Variants in RASGRP1 observed in about 807,000 individuals in gnomAD.
RASGRP1 encodes RAS guanyl releasing protein 1.
In RASGRP1, 37 loss-of-function variants were observed where a neutral mutation model predicts 95.1. That is an observed-to-expected ratio of 0.39 (90% CI 0.30 to 0.51). The LOEUF (loss-of-function observed/expected upper bound fraction) is 0.51. Ranked by LOEUF, RASGRP1 falls within the 20% of genes least tolerant of loss-of-function variation. The probability of loss-of-function intolerance (pLI) is 0.80; values close to 1 mark genes in which losing one functional copy is unlikely to be tolerated. For synonymous variants in RASGRP1, 325 were observed against 353.4 expected (o/e 0.92, Z 0.90); for missense variants, 711 against 965.4 (o/e 0.74, Z 3.49).
intron 8 of RASGRP1, among the ~76,000 whole-genome samples, chr15:38,509,913 C>T (rs1167665501): frequency 5.3e-5 from 8 of 152,086 alleles, no homozygotes; most frequent in African/African-American, 9.7e-5. Flanking sequence ...TACCATTTCT[C>T]CACAATGAAG....
Position 38,494,691 on chromosome 15 carries a change from G to C in RASGRP1, c.1950C>G (p.Ile650Met). Residue 650 changes from isoleucine (I) to methionine (M), a missense_variant, in exon 16 of 17, where the codon ATC becomes ATG. Ile to Met is a conservative substitution (Grantham distance 10). Around this residue, in one of 3 missense-constraint regions of RASGRP1, gnomAD observed 212 missense variants for 247.8 expected, o/e 0.86. Transcript: ENST00000310803. The stretch of plus-strand genomic sequence containing the variant: ...TCTGTGAGGACACTCCCATCAGCAT[G>C]ATGGTCCGATCCTTACTCTCCTCAC... Reference protein sequence around the residue: ...EHGEESKDRTIMLMGVSSQKI... With the variant: ...EHGEESKDRTMMLMGVSSQKI... The C allele has an allele frequency of 2.6e-6, 4 of 1,530,886 alleles. No individual in the cohort carries two copies. In the South Asian group the frequency reaches 4.0e-5, roughly 15 times the overall value. 94.8% of individuals were successfully genotyped at this position (1,530,886 alleles called of 1,614,324 possible).
intron 2 of RASGRP1, among the ~76,000 whole-genome samples, chr15:38,551,402 A>T (rs1350250077): frequency 6.6e-6 from 1 of 152,224 alleles, no homozygotes; most frequent in Non-Finnish European, 1.5e-5. Flanking sequence ...CAAAGCGACC[A>T]GTCCAAGCGC....
chr15:38,513,991 A>C (rs371321993), intron 6 of RASGRP1, among the ~76,000 whole-genome samples: 4 of 152,198 alleles, frequency 2.6e-5, no homozygotes, highest in African/African-American at 9.7e-5. Flanking sequence ...AATTCCTGGC[A>C]AGATGAAGCC....
Position 38,519,476 on chromosome 15 carries a change from A to G in RASGRP1, c.327-105T>C, listed in dbSNP as rs1002161219. 7.5e-5 allele frequency: 66 copies of G among 875,664 alleles called. No individual in the cohort carries two copies. In the Admixed American group the frequency reaches 1.5e-3, roughly 20 times the overall value. 54.2% of individuals were successfully genotyped at this position (875,664 alleles called of 1,614,324 possible). On this transcript the variant is annotated intron_variant, in intron 3 of 16. Transcript: ENST00000310803. ...ACTACCTCCCAAAATATTTTTTCTAAAAAATGAAAATGTGATGCTTTATCT... is the reference window on the plus strand; with the variant it reads ...ACTACCTCCCAAAATATTTTTTCTAGAAAATGAAAATGTGATGCTTTATCT...
At chr15:38,500,888 T>TA (rs1890989450) in intron 13 of RASGRP1, among the ~76,000 whole-genome samples, 1 of 152,150 alleles carries the variant, frequency 6.6e-6, no homozygotes, top group African/African-American at 2.4e-5. Flanking sequence ...TATTATACTT[T>TA]AAAAGTATAT....
chr15:38,497,839 G>T (rs1402590713), intron 15 of RASGRP1, among the ~76,000 whole-genome samples: 1 of 152,172 alleles, frequency 6.6e-6, no homozygotes, highest in East Asian at 1.9e-4. Context: ...CTTGAATGTT[G>T]AATGTTTTGT....
intron 2 of RASGRP1, among the ~76,000 whole-genome samples, chr15:38,538,537 A>C (rs1406353426): frequency 2.6e-5 from 4 of 152,170 alleles, no homozygotes; most frequent in Non-Finnish European, 4.4e-5. Context: ...TGTACCAGAC[A>C]CTGTTTCAAG....
chr15:38,504,270 TTTC>T (rs1891162775), intron 10 of RASGRP1: 1 of 152,128 alleles, frequency 6.6e-6, no homozygotes, highest in African/African-American at 2.4e-5. Context: ...TCTTAAATTT[TTTC>T]TTCAATGATA....
chr15:38,558,117 A>G (rs1022755510), intron 2 of RASGRP1, among the ~76,000 whole-genome samples: 1 of 152,200 alleles, frequency 6.6e-6, no homozygotes, highest in Non-Finnish European at 1.5e-5. Context: ...ATCCTTATTC[A>G]GGAAATAGTC....
At position 38,564,740 on chromosome 15, in the gene RASGRP1, C is replaced by G; in HGVS notation, c.-112G>C. Reference sequence around the variant, plus strand: ...GCTCTCTCCCCCCCGGGCCTCGTAGCCCCGGCGCCCGCCAGCCCTCGAGCC... The same window carrying G: ...GCTCTCTCCCCCCCGGGCCTCGTAGGCCCGGCGCCCGCCAGCCCTCGAGCC... On this transcript the variant is annotated 5_prime_UTR_variant, in exon 1 of 17. Coordinates refer to ENST00000310803, the MANE Select transcript of RASGRP1 (RefSeq NM_005739.4). 6.4e-6 allele frequency: 6 copies of G among 943,430 alleles called. No individual in the cohort carries two copies. The highest frequency in any genetic ancestry group is 6.6e-6 in the Non-Finnish European group (5 of 754,048). The allele number at this position is 943,430 out of a possible 1,614,324, so 58.4% of individuals were successfully genotyped here.
intron 1 of RASGRP1, among the ~76,000 whole-genome samples, chr15:38,564,045 G>A (rs1893922543): frequency 6.6e-6 from 1 of 152,202 alleles, no homozygotes; most frequent in African/African-American, 2.4e-5. Context: ...AGGGGGAGAG[G>A]AGTGCAGCTT....
At chr15:38,526,814 T>G (rs1019748368) in intron 2 of RASGRP1, among the ~76,000 whole-genome samples, 4 of 152,184 alleles carry the variant, frequency 2.6e-5, no homozygotes, top group African/African-American at 9.6e-5. Context: ...TAAAATATCT[T>G]ACCTTTACAA....
intron 2 of RASGRP1, among the ~76,000 whole-genome samples, chr15:38,536,057 AAGAG>A (rs1892631097): frequency 6.6e-6 from 1 of 152,212 alleles, no homozygotes; most frequent in African/African-American, 2.4e-5. Flanking sequence ...TTCAAACTCT[AAGAG>A]CATTTGTTGA....
chr15:38,501,053 G>A, intron 13 of RASGRP1, 90 bp downstream of exon 13: 2 of 1,410,556 alleles, frequency 1.4e-6, no homozygotes, highest in Non-Finnish European at 1.9e-6. Flanking sequence ...GCTGGGATGG[G>A]TTCATAAGGA....
Position 38,499,042 on chromosome 15 carries a change from C to T in RASGRP1, c.1721-96G>A, listed in dbSNP as rs558337177. ...ATTCATGCAGTGCTTTCTTGTCACA[C>T]ATGTCTGTTCTATCTTCTGGAGCTA... On this transcript the variant is annotated intron_variant, in intron 14 of 16. Coordinates refer to ENST00000310803, the MANE Select transcript of RASGRP1 (RefSeq NM_005739.4). 6.0e-5 allele frequency: 89 copies of T among 1,482,582 alleles called. 2 individuals are homozygous for T. The South Asian group carries it at 9.9e-4, about 16-fold the overall frequency. 91.8% of individuals were successfully genotyped at this position (1,482,582 alleles called of 1,614,324 possible). A position where few individuals can be genotyped will look rare whatever the true frequency, so the allele number is the denominator to read the frequency against.
chr15:38,563,901 G>A (rs1367650935), intron 1 of RASGRP1, among the ~76,000 whole-genome samples: 1 of 152,216 alleles, frequency 6.6e-6, no homozygotes, highest in Non-Finnish European at 1.5e-5. Flanking sequence ...GCCGAGGCCA[G>A]GCCTTTGTTC....
intron 2 of RASGRP1, 55 bp downstream of exon 2, chr15:38,559,766 G>T: frequency 6.5e-7 from 1 of 1,529,668 alleles, no homozygotes; most frequent in East Asian, 2.3e-5. Context: ...CACTTTTAAA[G>T]GACGAACAAA....
intron 16 of RASGRP1, among the ~76,000 whole-genome samples, chr15:38,492,763 G>A (rs1057131017): frequency 2.2e-4 from 33 of 152,070 alleles, no homozygotes; most frequent in African/African-American, 7.5e-4. Flanking sequence ...TGTGAGTTGT[G>A]TACTGTACTC....
At position 38,494,504 on chromosome 15, in the gene RASGRP1, A is replaced by G. The variant is rs765212266; in HGVS notation, c.2137T>C (p.Cys713Arg). The change falls in exon 16 of 17, where the codon TGT becomes CGT. Residue 713 changes from cysteine (C) to arginine (R), a missense_variant. Physicochemically the swap from Cys to Arg is radical, Grantham distance 180. Transcript: ENST00000310803. ...TTTCTGACCAAGACTGGGCTAGGAC[A>G]TGGAGAGGTGGGACTGGGAAGCACA... Reference protein sequence around the residue: ...LYVLPSPTSPCPSPVLVRKRA... With the variant: ...LYVLPSPTSPRPSPVLVRKRA... 4.1e-5 allele frequency: 66 copies of G among 1,605,562 alleles called. 1 individual carries two copies. In the East Asian group the frequency reaches 8.3e-4, roughly 20 times the overall value.
Sources: gnomAD v4.1 joint callset for allele counts (sites outside exome capture counted in the v4.1 genomes callset) on GRCh38, gnomAD v4.1.1 for gene constraint, gnomAD v4.1.1 regional missense constraint, MANE v1.5 for transcripts, NCBI Gene and HGNC (gene_info 2026-07-23, HGNC 2026-07-21) for gene names.